DEFB126: variants seen among roughly 807,000 people sequenced by gnomAD.
The protein encoded by DEFB126 is defensin beta 126.
A neutral mutation model predicts 2.5 loss-of-function variants in DEFB126; 2 were observed. The observed-to-expected ratio is 0.79, with a 90% confidence interval of 0.32 to 2.49. DEFB126 has a LOEUF of 2.49. Ranked by LOEUF, DEFB126 falls within the 30% of genes most tolerant of loss-of-function variation. The pLI is 0.11. For missense variants in DEFB126, 136 were observed against 135.4 expected (o/e 1.00, Z -0.02); for synonymous variants, 51 against 45.4 (o/e 1.12, Z -0.50).
intron 1 of DEFB126, among the ~76,000 whole-genome samples, 181 bp downstream of exon 1, chr20:142,867 G>GCAGGA (rs1341138760): frequency 6.6e-6 from 1 of 152,162 alleles, no homozygotes; most frequent in Non-Finnish European, 1.5e-5. Context: ...TCAGGATAGA[G>GCAGGA]CAGGATCTGT....
chr20:142,986 C>T (rs966677940), intron 1 of DEFB126, among the ~76,000 whole-genome samples: 1 of 151,208 alleles, frequency 6.6e-6, no homozygotes, highest in Non-Finnish European at 1.5e-5. Flanking sequence ...TCAGTCCAGT[C>T]AAGCCCTGCC....
Position 145,543 on chromosome 20 carries a change from G to T in DEFB126, c.187G>T (p.Asp63Tyr), listed in dbSNP as rs529675144. 6.2e-7 allele frequency: 1 copy of T among 1,614,098 alleles called. No homozygotes were observed. The highest frequency in any genetic ancestry group is 8.5e-7 in the Non-Finnish European group (1 of 1,179,962). ...GKQRDCCVPADRRANYPVFCV... is the reference protein window; with the variant it reads ...GKQRDCCVPAYRRANYPVFCV... ...ACAAAGGGACTGCTGTGTTCCAGCT[G>T]ACAGACGTGCTAATTATCCTGTTTT... Residue 63 changes from aspartate to tyrosine, a missense_variant, in exon 2 of 2, where the codon GAC becomes TAC. Coordinates refer to ENST00000382398, the MANE Select transcript of DEFB126 (RefSeq NM_030931.4).
intron 1 of DEFB126, among the ~76,000 whole-genome samples, chr20:144,785 G>A (rs1027401318): frequency 8.6e-5 from 13 of 151,966 alleles, no homozygotes; most frequent in African/African-American, 2.9e-4. Context: ...TTTGTAAAAT[G>A]TACTTATATC....
Position 145,462 on chromosome 20 carries a change from A to G in DEFB126, c.106A>G (p.Lys36Glu), listed in dbSNP as rs1290940376. The G allele has an allele frequency of 6.2e-7, 1 of 1,613,994 alleles. No individual in the cohort carries two copies. Among genetic ancestry groups the G allele is most frequent in the South Asian group, 1.1e-5 (1 of 91,062 alleles). ...KCLNDVGICK[K>E]KCKPEEMHVK... The stretch of plus-strand genomic sequence containing the variant: ...TCTAAACGACGTTGGAATTTGCAAG[A>G]AGAAGTGCAAACCTGAAGAGATGCA... Residue 36 changes from lysine to glutamate, a missense_variant, in exon 2 of 2, where the codon AAG becomes GAG. Physicochemically the swap from Lys to Glu is moderately conservative, Grantham distance 56 (BLOSUM62 1). Transcript: ENST00000382398.
intron 1 of DEFB126, among the ~76,000 whole-genome samples, chr20:143,613 G>A (rs1443690554): frequency 1.3e-5 from 2 of 152,062 alleles, no homozygotes; most frequent in African/African-American, 2.4e-5. Context: ...ATATCATTGT[G>A]AGATTCTCTG....
chr20:142,713 A>T, intron 1 of DEFB126, 27 bp downstream of exon 1: 1 of 1,611,992 alleles, frequency 6.2e-7, no homozygotes, highest in Non-Finnish European at 8.5e-7. Context: ...GGAAGAAGAA[A>T]CACTGGCCTG....
intron 1 of DEFB126, among the ~76,000 whole-genome samples, chr20:142,986 C>A (rs966677940): frequency 6.6e-6 from 1 of 151,208 alleles, no homozygotes; most frequent in African/African-American, 2.4e-5. Flanking sequence ...TCAGTCCAGT[C>A]AAGCCCTGCC....
intron 1 of DEFB126, among the ~76,000 whole-genome samples, chr20:143,199 T>A (rs549509576): frequency 3.7e-4 from 56 of 152,168 alleles, no homozygotes; most frequent in African/African-American, 1.3e-3. Context: ...AAAAAAAAAA[T>A]TCTGTGTGGG....
chr20:144,685 T>C (rs1600146118), intron 1 of DEFB126, among the ~76,000 whole-genome samples: 1 of 152,292 alleles, frequency 6.6e-6, no homozygotes, highest in African/African-American at 2.4e-5. Flanking sequence ...TTCATATGTA[T>C]ATAATATGTA....
rs751009497 is a variant in DEFB126 at position 145,408 on chromosome 20, T to C, written c.59-7T>C. The C allele has an allele frequency of 6.2e-7, 1 of 1,612,708 alleles. No homozygotes were observed. Among genetic ancestry groups the C allele is most frequent in the Non-Finnish European group, 8.5e-7 (1 of 1,179,122 alleles). ...GGCTTAATAATCTATATAATTCCTT[T>C]ATTCAGGTAATTGGTATGTGAAAAA... On this transcript the variant is annotated splice_region_variant and splice_polypyrimidine_tract_variant and intron_variant, in intron 1 of 1. Transcript: ENST00000382398.
Position 145,468 on chromosome 20 carries a change from T to C in DEFB126, c.112T>C (p.Cys38Arg), listed in dbSNP as rs775273263. Residue 38 changes from cysteine (C) to arginine (R), a missense_variant, in exon 2 of 2, where the codon TGC (cysteine) becomes CGC (arginine). Physicochemically the swap from Cys to Arg is radical, Grantham distance 180. Transcript: ENST00000382398. Reference sequence around the variant, plus strand: ...CGACGTTGGAATTTGCAAGAAGAAGTGCAAACCTGAAGAGATGCATGTAAA... The same window carrying C: ...CGACGTTGGAATTTGCAAGAAGAAGCGCAAACCTGAAGAGATGCATGTAAA... ...LNDVGICKKK[C>R]KPEEMHVKNG... 13 of 1,613,980 alleles carry C rather than the reference T, an allele frequency of 8.1e-6. No individual in the cohort carries two copies. In the Middle Eastern group the frequency reaches 1.5e-3, roughly 184 times the overall value.
At chr20:144,857 A>G (rs2123017530) in intron 1 of DEFB126, among the ~76,000 whole-genome samples, 1 of 152,092 alleles carries the variant, frequency 6.6e-6, no homozygotes, top group East Asian at 1.9e-4. Flanking sequence ...CCATAACTTG[A>G]CATGACATTT....
intron 1 of DEFB126, among the ~76,000 whole-genome samples, chr20:142,974 G>A (rs1339749899): frequency 6.6e-6 from 1 of 151,988 alleles, no homozygotes; most frequent in East Asian, 1.9e-4. Context: ...TGTCACTTCG[G>A]GTCAGTCCAG....
At chr20:142,847 T>C (rs536010600) in intron 1 of DEFB126, among the ~76,000 whole-genome samples, 161 bp downstream of exon 1, 1 of 152,240 alleles carries the variant, frequency 6.6e-6, no homozygotes, top group South Asian at 2.1e-4. Context: ...TCTAAGAAAC[T>C]TGAAGGCTCT....
chr20:143,378 C>T (rs1345347544), intron 1 of DEFB126, among the ~76,000 whole-genome samples: 1 of 152,148 alleles, frequency 6.6e-6, no homozygotes, highest in East Asian at 1.9e-4. Flanking sequence ...TTGTAACCAA[C>T]TGATATATGA....
intron 1 of DEFB126, among the ~76,000 whole-genome samples, chr20:143,012 T>C (rs925156404): frequency 6.6e-6 from 1 of 151,988 alleles, no homozygotes; most frequent in Non-Finnish European, 1.5e-5. Flanking sequence ...TCACTTTTGT[T>C]TTTTTTGCTG....
chr20:144,371 G>A (rs113661792), intron 1 of DEFB126, among the ~76,000 whole-genome samples: 58 of 152,088 alleles, frequency 3.8e-4, no homozygotes, highest in Admixed American at 2.7e-3. Context: ...ATTCAAAAAC[G>A]TTTGCTCTGT....
In DEFB126 at chr20:145,620, AACAACAACTTTGATGATG is replaced by A. The variant is rs1262591797; in HGVS notation, c.267_284del (p.Thr91_Thr96del). On this transcript the variant is annotated inframe_deletion, in exon 2 of 2. Transcript: ENST00000382398. Reference sequence around the variant, plus strand: ...TTTCAACAGTAACAGCAACAACAGCAACAACAACTTTGATGATGACTACTGCTTCGATGTCTTCGATGG... The same window carrying A: ...TTTCAACAGTAACAGCAACAACAGCAACTACTGCTTCGATGTCTTCGATGG... 6.2e-7 allele frequency: 1 copy of A among 1,613,648 alleles called. No individual in the cohort carries two copies. The highest frequency in any genetic ancestry group is 8.5e-7 in the Non-Finnish European group (1 of 1,179,696).
chr20:142,833 C>A, intron 1 of DEFB126, 147 bp downstream of exon 1: 1 of 836,636 alleles, frequency 1.2e-6, no homozygotes, highest in Non-Finnish European at 2.0e-6. Context: ...CAGACCACCT[C>A]TGTTCTAAGA....
Sources: allele counts gnomAD v4.1 joint callset (sites outside exome capture counted in the v4.1 genomes callset), GRCh38; gene constraint gnomAD v4.1.1; transcripts MANE v1.5; gene names NCBI Gene and HGNC (gene_info 2026-07-23, HGNC 2026-07-21).